Variants in WDR88 observed in about 807,000 individuals in gnomAD.
WDR88 encodes the protein WD repeat domain 88, also known as WD repeat-containing protein 88.
A neutral mutation model predicts 46.8 loss-of-function variants in WDR88; 40 were observed. That is an observed-to-expected ratio of 0.86 (90% CI 0.66 to 1.11). The LOEUF (loss-of-function observed/expected upper bound fraction) is 1.11, where lower values mean the gene tolerates loss of function less well. Ranked by LOEUF, WDR88 falls within the 50% of genes most tolerant of loss-of-function variation. The pLI is 0.00. For missense variants in WDR88, 562 were observed against 602.4 expected (o/e 0.93, Z 0.70); for synonymous variants, 235 against 240.7 (o/e 0.98, Z 0.22).
intron 8 of WDR88, among the ~76,000 whole-genome samples, chr19:33,160,831 C>G (rs1305265296): frequency 2.0e-5 from 3 of 152,136 alleles, no homozygotes; most frequent in Admixed American, 2.0e-4. Flanking sequence ...GCAGATGGAA[C>G]AGCTGATGCA....
In WDR88 at chr19:33,164,088, G is replaced by T. The variant is rs1973915280; in HGVS notation, c.1081-109G>T. The T allele has an allele frequency of 4.0e-6, 4 of 990,356 alleles. No individual in the cohort carries two copies. The African/African-American group carries it at 6.4e-5, about 16-fold the overall frequency. 61.3% of individuals were successfully genotyped at this position (990,356 alleles called of 1,614,324 possible). ...GGGCTCAGGTGACCCTCCCGACTCGGCTTCCCAAAAGGCAGGTTACAGGTG... is the reference window on the plus strand; with the variant it reads ...GGGCTCAGGTGACCCTCCCGACTCGTCTTCCCAAAAGGCAGGTTACAGGTG... On this transcript the variant is annotated intron_variant, in intron 8 of 10. Coordinates refer to ENST00000355868, the MANE Select transcript of WDR88 (RefSeq NM_173479.4).
chr19:33,175,664 G>C lies in WDR88; in HGVS notation c.*92G>C. ...GGGGCTTTCTCTTGGGCCCCTCCCAGGCTCAGCAGGCCTGTCAGACTGGGG... is the reference window on the plus strand; with the variant it reads ...GGGGCTTTCTCTTGGGCCCCTCCCACGCTCAGCAGGCCTGTCAGACTGGGG... On this transcript the variant is annotated 3_prime_UTR_variant, in exon 11 of 11. Transcript: ENST00000355868. The C allele has an allele frequency of 6.7e-7, 1 of 1,493,404 alleles. No individual in the cohort carries two copies. The highest frequency in any genetic ancestry group is 9.1e-7 in the Non-Finnish European group (1 of 1,093,748). 92.5% of individuals were successfully genotyped at this position (1,493,404 alleles called of 1,614,324 possible). A position where few individuals can be genotyped will look rare whatever the true frequency, so the allele number is the denominator to read the frequency against.
At position 33,148,858 on chromosome 19, in the gene WDR88, T is replaced by C. The variant is rs150095708; in HGVS notation, c.627T>C (p.His209=). 121 of 1,614,162 alleles carry C rather than the reference T, an allele frequency of 7.5e-5. No individual in the cohort carries two copies. In the East Asian group the frequency reaches 2.6e-3, roughly 35 times the overall value. The change falls in exon 5 of 11, where the codon CAT becomes CAC. Residue 209 remains histidine, a synonymous_variant. Coordinates refer to ENST00000355868, the MANE Select transcript of WDR88 (RefSeq NM_173479.4). ...KYVVSGFDVD[H]GICIMDAENI... ...TGGTCTCAGGCTTCGACGTGGATCA[T>C]GGAATCTGCATAATGGACGCCGAGA... is the stretch of plus-strand genomic sequence containing the variant.
At chr19:33,171,017 GCT>G (rs1568372611) in intron 9 of WDR88, among the ~76,000 whole-genome samples, 1 of 151,988 alleles carries the variant, frequency 6.6e-6, no homozygotes. Context: ...ACAGAGTCTC[GCT>G]CTGTCACCCA....
intron 6 of WDR88, among the ~76,000 whole-genome samples, chr19:33,152,728 A>T (rs567215633): frequency 2.6e-5 from 4 of 151,712 alleles, no homozygotes; most frequent in African/African-American, 9.7e-5. Flanking sequence ...CAGCCTCCTG[A>T]GTAGCTGGGA....
chr19:33,167,732 C>T (rs1973975744), intron 9 of WDR88, among the ~76,000 whole-genome samples: 1 of 151,322 alleles, frequency 6.6e-6, no homozygotes, highest in East Asian at 1.9e-4. Flanking sequence ...TTCCTGCCTT[C>T]CCTCCTCTTT....
At chr19:33,139,835 C>T (rs1312033873) in intron 2 of WDR88, among the ~76,000 whole-genome samples, 1 of 152,090 alleles carries the variant, frequency 6.6e-6, no homozygotes, top group Non-Finnish European at 1.5e-5. Context: ...CACACACAGC[C>T]ACAAGATATA....
chr19:33,161,945 A>G (rs2145411196), intron 8 of WDR88, among the ~76,000 whole-genome samples: 2 of 152,294 alleles, frequency 1.3e-5, no homozygotes, highest in East Asian at 3.9e-4. Context: ...AGCCTGGGTG[A>G]CAGAGCCGGT....
rs1345070890 is a variant in WDR88 at position 33,137,931 on chromosome 19, G to A, written c.387+144G>A. 10 of 654,518 alleles carry A rather than the reference G, an allele frequency of 1.5e-5. No homozygotes were observed. The Admixed American group carries it at 1.5e-4, about 10-fold the overall frequency. The allele number at this position is 654,518 out of a possible 1,614,324, so 40.5% of individuals were successfully genotyped here. A position where few individuals can be genotyped will look rare whatever the true frequency, so the allele number is the denominator to read the frequency against. ...CTTCTGAGCAAAGTGCCAGAAGGAG[G>A]AGAGGGTGAGAGCCCAGCCTAGACG... On this transcript the variant is annotated intron_variant, in intron 2 of 10. Transcript: ENST00000355868.
intron 3 of WDR88, 73 bp from the exon 4 acceptor site, chr19:33,147,572 C>T: frequency 6.7e-7 from 1 of 1,487,730 alleles, no homozygotes; most frequent in South Asian, 1.2e-5. Context: ...CACTGCACTC[C>T]AGCTGGGGCA....
rs749847465 is a variant in WDR88 at position 33,175,505 on chromosome 19, C to T, written c.1352C>T (p.Thr451Ile). The T allele has an allele frequency of 4.6e-5, 75 of 1,614,082 alleles. No homozygotes were observed. Among genetic ancestry groups the T allele is most frequent in the Non-Finnish European group, 6.1e-5 (72 of 1,180,050 alleles). The change falls in exon 11 of 11, where the codon ACT becomes ATT. Residue 451 changes from threonine to isoleucine, a missense_variant. Transcript: ENST00000355868. ...RIDTRGLPAD[T>I]SSSSSSSERE... ...GATACAAGGGGCTTGCCAGCAGATA[C>T]TTCATCGTCATCATCATCATCGGAA... is the stretch of plus-strand genomic sequence containing the variant.
intron 2 of WDR88, among the ~76,000 whole-genome samples, chr19:33,141,705 C>T (rs1323439381): frequency 6.6e-6 from 1 of 151,892 alleles, no homozygotes; most frequent in Non-Finnish European, 1.5e-5. Context: ...TTTGAGATGG[C>T]GTTTTGCTCT....
At position 33,132,206 on chromosome 19, in the gene WDR88, G is replaced by T; in HGVS notation, c.37G>T (p.Asp13Tyr). 1 of 1,607,814 alleles carries T rather than the reference G, an allele frequency of 6.2e-7. No individual in the cohort carries two copies. ...GCCGCGGTGCTCCCCGACAGCCCAT[G>T]ACAGGGAATGCAAGTTGCCGCCACC... ...SPPRCSPTAHDRECKLPPPSA... is the reference protein window; with the variant it reads ...SPPRCSPTAHYRECKLPPPSA... The change falls in exon 1 of 11, where the codon GAC (aspartate) becomes TAC (tyrosine). Residue 13 changes from aspartate (D) to tyrosine (Y), a missense_variant. Physicochemically the swap from Asp to Tyr is radical, Grantham distance 160. Coordinates refer to ENST00000355868, the MANE Select transcript of WDR88 (RefSeq NM_173479.4).
chr19:33,145,879 C>T (rs1973501987), intron 3 of WDR88, among the ~76,000 whole-genome samples: 1 of 152,116 alleles, frequency 6.6e-6, no homozygotes, highest in South Asian at 2.1e-4. Flanking sequence ...CAGAAACGTG[C>T]CATGTAAGAA....
rs745463721 is a variant in WDR88 at position 33,156,474 on chromosome 19, G to A, written c.929G>A (p.Cys310Tyr). ...GTCCACACAGGGGAGTTTCGAAACTGTGGAGCCTGTGTGACTCTGATGCAG... is the reference window on the plus strand; with the variant it reads ...GTCCACACAGGGGAGTTTCGAAACTATGGAGCCTGTGTGACTCTGATGCAG... Reference protein sequence around the residue: ...WNVHTGEFRNCGACVTLMQGH... With the variant: ...WNVHTGEFRNYGACVTLMQGH... The change falls in exon 7 of 11, where the codon TGT (cysteine) becomes TAT (tyrosine). Residue 310 changes from cysteine (C) to tyrosine (Y), a missense_variant. Cys to Tyr is a radical substitution (Grantham distance 194, BLOSUM62 -2). Transcript: ENST00000355868. 5 of 1,614,146 alleles carry A rather than the reference G, an allele frequency of 3.1e-6. No individual in the cohort carries two copies. The highest frequency in any genetic ancestry group is 1.6e-4 in the Middle Eastern group (1 of 6,062).
At chr19:33,174,236 C>G in intron 10 of WDR88, 1 of 1,536,502 alleles carries the variant, frequency 6.5e-7, no homozygotes, top group Non-Finnish European at 8.7e-7. Context: ...CTGCATTTGA[C>G]TTGCTCTGAA....
At chr19:33,140,935 ATTTTT>A (rs576514149) in intron 2 of WDR88, among the ~76,000 whole-genome samples, 3 of 127,128 alleles carry the variant, frequency 2.4e-5, no homozygotes, top group Non-Finnish European at 4.8e-5. Flanking sequence ...CCAAACTTAC[ATTTTT>A]TTTTTTTTTT....
rs745987290 is a variant in WDR88, at chr19:33,141,227, G to GTTTTTTTTTTTTTTTTTT, written c.387+3453_387+3454insTTTTTTTTTTTTTTTTTT. ...GCTGGGATTACAGGTGTGGGAGCAT[G>GTTTTTTTTTTTTTTTTTT]TTTTTTTTTTTTTCTTTTTTGACAC... On this transcript the variant is annotated intron_variant, in intron 2 of 10. Coordinates refer to ENST00000355868, the MANE Select transcript of WDR88 (RefSeq NM_173479.4). 3.4e-3 allele frequency among the ~76,000 whole-genome samples: 389 copies of GTTTTTTTTTTTTTTTTTT among 113,356 alleles called. 95 individuals are homozygous for GTTTTTTTTTTTTTTTTTT. Among genetic ancestry groups the GTTTTTTTTTTTTTTTTTT allele is most frequent in the African/African-American group, 0.015 (372 of 24,424 alleles). 74.4% of individuals were successfully genotyped at this position (113,356 alleles called of 152,430 possible).
intron 2 of WDR88, among the ~76,000 whole-genome samples, chr19:33,143,644 C>CAA (rs11330443): frequency 0.035 from 4,132 of 117,032 alleles, 226 homozygotes; most frequent in African/African-American, 0.11. Flanking sequence ...GACCCTCTCT[C>CAA]AAAAAAAAAA....
Sources: gnomAD v4.1 joint callset for allele counts (sites outside exome capture counted in the v4.1 genomes callset) on GRCh38, gnomAD v4.1.1 for gene constraint, MANE v1.5 for transcripts, NCBI Gene and HGNC (gene_info 2026-07-23, HGNC 2026-07-21) for gene names.